The following CELF2 variants were observed in gnomAD, a reference collection of about 807,000 sequenced individuals.
CELF2 encodes the protein CUG triplet repeat RNA-binding protein 2.
CELF2 carries 8 observed loss-of-function variants against 62.6 expected under a neutral mutation model. That is an observed-to-expected ratio of 0.13 (90% CI 0.07 to 0.23). The LOEUF (loss-of-function observed/expected upper bound fraction) is 0.23. Ranked by LOEUF, CELF2 falls within the 10% of genes least tolerant of loss-of-function variation. The probability of loss-of-function intolerance (pLI) is 1.00; values close to 1 mark genes in which losing one functional copy is unlikely to be tolerated. For synonymous variants in CELF2, 258 were observed against 250.0 expected (o/e 1.03, Z -0.30); for missense variants, 333 against 671.0 (o/e 0.50, Z 5.56).
chr10:11,312,903 C>T (rs1591305675), intron 9 of CELF2, among the ~76,000 whole-genome samples: 1 of 152,142 alleles, frequency 6.6e-6, no homozygotes, highest in African/African-American at 2.4e-5. Flanking sequence ...CACTGCACTC[C>T]AGTCTGGGCG....
At chr10:10,897,921 G>A (rs747069489) in intron 1 of CELF2, among the ~76,000 whole-genome samples, 6 of 152,180 alleles carry the variant, frequency 3.9e-5, no homozygotes, top group Admixed American at 6.5e-5. Context: ...AGAGGCAGAG[G>A]CCAGAAAAGT....
intron 8 of CELF2, among the ~76,000 whole-genome samples, chr10:11,276,621 CT>C (rs1045427501): frequency 2.0e-5 from 3 of 152,194 alleles, no homozygotes; most frequent in Admixed American, 1.3e-4. Flanking sequence ...GGGAGATTTG[CT>C]TTTCTCGCAT....
the CELF2 span, among the ~76,000 whole-genome samples, chr10:10,525,270 A>G: frequency 6.6e-6 from 1 of 152,196 alleles, no homozygotes; most frequent in Non-Finnish European, 1.5e-5. Context: ...CCCTAGACCA[A>G]GCCTGTCCAA....
chr10:10,503,097 G>A, the CELF2 span, among the ~76,000 whole-genome samples: 19 of 151,988 alleles, frequency 1.3e-4, no homozygotes, highest in African/African-American at 2.2e-4. Context: ...AACACATGAC[G>A]CATGATTTCT....
the CELF2 span, among the ~76,000 whole-genome samples, chr10:10,484,004 T>TCTCC: frequency 2.6e-5 from 1 of 38,080 alleles, no homozygotes; most frequent in Non-Finnish European, 4.9e-5. Context: ...TCCCCCGCTT[T>TCTCC]CTCCCTCCCT....
chr10:10,876,559 C>T (rs146626159), intron 1 of CELF2, among the ~76,000 whole-genome samples: 18 of 152,218 alleles, frequency 1.2e-4, no homozygotes, highest in South Asian at 4.1e-4. Flanking sequence ...AACAGTGCCG[C>T]GTTTTAGGAG....
At chr10:10,501,520 T>C in the CELF2 span, among the ~76,000 whole-genome samples, 3 of 152,202 alleles carry the variant, frequency 2.0e-5, no homozygotes, top group African/African-American at 2.4e-5. Context: ...GTTTTTTATA[T>C]GTATTTGAGT....
chr10:10,558,404 A>T, the CELF2 span, among the ~76,000 whole-genome samples: 1 of 152,056 alleles, frequency 6.6e-6, no homozygotes, highest in Non-Finnish European at 1.5e-5. Context: ...CATGGTGGAT[A>T]AGCTTTTTGA....
chr10:10,594,621 T>C, the CELF2 span, among the ~76,000 whole-genome samples: 2 of 152,166 alleles, frequency 1.3e-5, no homozygotes, highest in African/African-American at 4.8e-5. Flanking sequence ...GTCCCAATCA[T>C]TACAAGAATC....
the CELF2 span, among the ~76,000 whole-genome samples, chr10:10,588,674 A>C: frequency 6.6e-6 from 1 of 152,228 alleles, no homozygotes; most frequent in Non-Finnish European, 1.5e-5. Context: ...GGCATTAAAG[A>C]AGTATATGAG....
chr10:11,302,663 G>A lies in CELF2; in HGVS notation c.977-11476G>A, dbSNP rs1010291846. ...ATCTGGTCATTTAGGATCGAGTTGG[G>A]TGTACTTGGTGTGGCAGCTGCTGTG... On this transcript the variant is annotated intron_variant, in intron 9 of 12. Coordinates refer to ENST00000633077, the MANE Select transcript of CELF2 (RefSeq NM_001326342.2). This position sits in a 1 kb window ranked among gnomAD's most constrained non-coding sequence, Gnocchi z 5.0. Among the ~76,000 whole-genome samples the A allele has an allele frequency of 3.9e-5, 6 of 152,188 alleles. No homozygotes were observed. The highest frequency in any genetic ancestry group is 7.3e-5 in the Non-Finnish European group (5 of 68,040).
rs760397189 is a variant in CELF2, at chr10:11,046,279, G to A, written c.74+28116G>A. On this transcript the variant is annotated intron_variant, in intron 1 of 12. Coordinates refer to ENST00000633077, the MANE Select transcript of CELF2 (RefSeq NM_001326342.2). This position sits in a 1 kb window ranked among gnomAD's most constrained non-coding sequence, Gnocchi z 4.6. ...GGGGCTGGGAATTTGCATCTCTAAC[G>A]AGTTCCCAGGTGATTGTGATGCCCG... 6.6e-6 allele frequency among the ~76,000 whole-genome samples: 1 copy of A among 152,152 alleles called. No individual in the cohort carries two copies. The highest frequency in any genetic ancestry group is 2.4e-5 in the African/African-American group (1 of 41,436).
At chr10:10,784,985 C>G in the CELF2 span, among the ~76,000 whole-genome samples, 7 of 152,302 alleles carry the variant, frequency 4.6e-5, no homozygotes, top group South Asian at 1.5e-3. Flanking sequence ...TGTTCAGTTA[C>G]AATAGAAAAC....
chr10:11,275,947 T>TG (rs1040543512), intron 8 of CELF2, among the ~76,000 whole-genome samples: 1 of 151,734 alleles, frequency 6.6e-6, no homozygotes, highest in African/African-American at 2.4e-5. Flanking sequence ...TCCAAAAAGG[T>TG]GGGGGGAGAG....
In CELF2 at chr10:11,330,720, A is replaced by G. The variant is rs1425720445; in HGVS notation, c.*1667A>G. ...ATTAGACAAATTCATTATAGAAAAA[A>G]CCTGTGGCAAAAACGTTTCTTTCTT... On this transcript the variant is annotated 3_prime_UTR_variant, in exon 13 of 13. Coordinates refer to ENST00000633077, the MANE Select transcript of CELF2 (RefSeq NM_001326342.2). The surrounding 1 kb of genome is among the most constrained non-coding windows in gnomAD (Gnocchi z 4.5). 1 of 152,414 alleles carries G rather than the reference A, an allele frequency of 6.6e-6. No individual in the cohort carries two copies. The highest frequency in any genetic ancestry group is 1.5e-5 in the Non-Finnish European group (1 of 67,978). The allele number at this position is 152,414 out of a possible 1,614,324, so 9.4% of individuals were successfully genotyped here.
chr10:10,873,378 C>A (rs1216850195), intron 1 of CELF2, among the ~76,000 whole-genome samples: 2 of 151,862 alleles, frequency 1.3e-5, no homozygotes, highest in Non-Finnish European at 2.9e-5. Context: ...TAATTTTAGC[C>A]CTCGGGGTAA....
chr10:11,238,953 G>C (rs930820484), intron 3 of CELF2, among the ~76,000 whole-genome samples: 3 of 152,138 alleles, frequency 2.0e-5, no homozygotes, highest in Admixed American at 6.5e-5. Flanking sequence ...CACAGCTAAC[G>C]AGTGTGATAA....
At chr10:10,713,107 T>C in the CELF2 span, among the ~76,000 whole-genome samples, 1 of 152,202 alleles carries the variant, frequency 6.6e-6, no homozygotes, top group Non-Finnish European at 1.5e-5. Context: ...AACCTTTGCC[T>C]ACTGTTCCTT....
At chr10:10,519,124 GA>G in the CELF2 span, among the ~76,000 whole-genome samples, 1 of 152,214 alleles carries the variant, frequency 6.6e-6, no homozygotes, top group African/African-American at 2.4e-5. Flanking sequence ...GCTAGGAACA[GA>G]ATTTAGCAAA....
Sources: gnomAD v4.1 joint callset for allele counts (sites outside exome capture counted in the v4.1 genomes callset) on GRCh38, gnomAD v4.1.1 for gene constraint, Gnocchi (gnomAD v3.1) non-coding constraint, MANE v1.5 for transcripts, NCBI Gene and HGNC (gene_info 2026-07-23, HGNC 2026-07-21) for gene names.